The following SPOCK1 variants were observed in gnomAD, a reference collection of about 807,000 sequenced individuals.
SPOCK1 encodes SPARC (osteonectin), cwcv and kazal like domains proteoglycan 1, also known as testican-1.
In SPOCK1, 23 loss-of-function variants were observed where a neutral mutation model predicts 55.3. The ratio of observed to expected loss-of-function variants is 0.42; its 90% CI spans 0.30 to 0.59. The LOEUF is 0.59. Ranked by LOEUF, SPOCK1 falls within the 20% of genes least tolerant of loss-of-function variation. The pLI, the probability that SPOCK1 is intolerant of heterozygous loss-of-function variation, is 0.22. For missense variants in SPOCK1, 499 were observed against 552.5 expected, an observed-to-expected ratio of 0.90 and a Z score of 0.97; for synonymous variants, 226 against 221.0, an observed-to-expected ratio of 1.02 and a Z score of -0.20.
At chr5:137,315,502 T>C (rs1278096851) in intron 2 of SPOCK1, among the ~76,000 whole-genome samples, 1 of 152,202 alleles carries the variant, frequency 6.6e-6, no homozygotes, top group African/African-American at 2.4e-5. Context: ...TAGGAGCAAC[T>C]GAGCACTTTA....
chr5:137,303,398 T>G (rs1351723146), intron 2 of SPOCK1, among the ~76,000 whole-genome samples: 1 of 152,094 alleles, frequency 6.6e-6, no homozygotes, highest in Non-Finnish European at 1.5e-5. Flanking sequence ...TTATGATTAT[T>G]CTATGTGATA....
chr5:137,004,973 C>A (rs1580703322), intron 6 of SPOCK1, among the ~76,000 whole-genome samples: 1 of 152,176 alleles, frequency 6.6e-6, no homozygotes, highest in Admixed American at 6.5e-5. Context: ...AAGAAAAGAG[C>A]AAAATGGCCT....
intron 4 of SPOCK1, among the ~76,000 whole-genome samples, chr5:137,113,233 C>T (rs1479334785): frequency 6.6e-6 from 1 of 152,168 alleles, no homozygotes; most frequent in African/African-American, 2.4e-5. Flanking sequence ...ATAAATGTCG[C>T]TATTAGGATG....
intron 3 of SPOCK1, among the ~76,000 whole-genome samples, chr5:137,199,984 C>T (rs1445889202): frequency 6.6e-6 from 1 of 152,198 alleles, no homozygotes; most frequent in African/African-American, 2.4e-5. Flanking sequence ...AGCATCTTCT[C>T]GCCTCTGGCA....
intron 3 of SPOCK1, among the ~76,000 whole-genome samples, chr5:137,266,151 C>T (rs1472445823): frequency 5.3e-5 from 8 of 152,282 alleles, no homozygotes; most frequent in African/African-American, 1.2e-4. Context: ...ATGCCTCCCT[C>T]GATTTCTTCG....
chr5:137,272,517 T>C (rs1478339675), intron 2 of SPOCK1, among the ~76,000 whole-genome samples: 1 of 152,164 alleles, frequency 6.6e-6, no homozygotes, highest in Non-Finnish European at 1.5e-5. Flanking sequence ...GCTGTTTTCA[T>C]TCACATCTCT....
chr5:137,489,971 C>A (rs1474480202), intron 2 of SPOCK1, among the ~76,000 whole-genome samples: 3 of 152,198 alleles, frequency 2.0e-5, no homozygotes, highest in African/African-American at 7.2e-5. Flanking sequence ...GGTGCCTCTG[C>A]CTTGTAGTAC....
chr5:137,146,227 C>G (rs964386515), intron 3 of SPOCK1, among the ~76,000 whole-genome samples: 1 of 152,324 alleles, frequency 6.6e-6, no homozygotes, highest in South Asian at 2.1e-4. Flanking sequence ...CCCCTTTTCT[C>G]CTGCCAGGAA....
chr5:137,179,014 C>T (rs1271212345), intron 3 of SPOCK1, among the ~76,000 whole-genome samples: 2 of 152,202 alleles, frequency 1.3e-5, no homozygotes, highest in African/African-American at 4.8e-5. Context: ...TGACTTCCTC[C>T]GTTTCCAACC....
chr5:137,045,114 G>A (rs1243979335), intron 6 of SPOCK1, among the ~76,000 whole-genome samples: 1 of 151,032 alleles, frequency 6.6e-6, no homozygotes, highest in Non-Finnish European at 1.5e-5. Context: ...ACGTGTGCAT[G>A]TGTCTTTATA....
chr5:137,385,593 C>T (rs2127176861), intron 2 of SPOCK1, among the ~76,000 whole-genome samples: 1 of 152,314 alleles, frequency 6.6e-6, no homozygotes, highest in Admixed American at 6.5e-5. Context: ...CCAACAGCCA[C>T]TCCTCCTCAC....
In SPOCK1 at chr5:137,271,410, T is replaced by A. The variant is rs568619983; in HGVS notation, c.187-4355A>T. Among the ~76,000 whole-genome samples, 13 of 149,088 alleles carry A rather than the reference T, an allele frequency of 8.7e-5. 1 individual carries two copies. The South Asian group carries it at 2.7e-3, about 31-fold the overall frequency. ...TATAATATATATTATTAAAGATATA[T>A]TTATTATATATTACTATATGTTTTT... On this transcript the variant is annotated intron_variant, in intron 2 of 10. Coordinates refer to ENST00000394945, the MANE Select transcript of SPOCK1 (RefSeq NM_004598.4).
intron 2 of SPOCK1, among the ~76,000 whole-genome samples, chr5:137,358,103 C>T (rs997576290): frequency 5.9e-5 from 9 of 152,086 alleles, no homozygotes; most frequent in African/African-American, 1.9e-4. Context: ...AGTCAGAAAG[C>T]ACCAAGTGAT....
intron 5 of SPOCK1, among the ~76,000 whole-genome samples, chr5:137,068,993 G>A (rs1752558871): frequency 6.6e-6 from 1 of 152,238 alleles, no homozygotes; most frequent in African/African-American, 2.4e-5. Context: ...CACTGTGCAT[G>A]CAGCTCTTAT....
intron 2 of SPOCK1, among the ~76,000 whole-genome samples, chr5:137,405,287 A>G (rs1052499977): frequency 2.6e-5 from 4 of 152,200 alleles, no homozygotes; most frequent in Non-Finnish European, 2.9e-5. Flanking sequence ...CCCCTCATCA[A>G]TTCATATAAT....
At chr5:136,993,914 G>T (rs1217942883) in intron 6 of SPOCK1, among the ~76,000 whole-genome samples, 1 of 152,144 alleles carries the variant, frequency 6.6e-6, no homozygotes, top group Non-Finnish European at 1.5e-5. Flanking sequence ...CAAAAGACTA[G>T]GTGAAACTTC....
intron 5 of SPOCK1, among the ~76,000 whole-genome samples, chr5:137,096,828 T>C (rs1055058714): frequency 1.3e-5 from 2 of 152,192 alleles, no homozygotes; most frequent in African/African-American, 4.8e-5. Flanking sequence ...TTAGTGTGAA[T>C]TGGTGTAGTT....
rs545155760 is a variant in SPOCK1 at position 137,235,605 on chromosome 5, CAT to C, written c.232+31403_232+31404del. ...AGTGAAATGTTGGTGGGTATACACACATGTGTGAGCAGGTAGATGCACGTGTC... is the reference window on the plus strand; with the variant it reads ...AGTGAAATGTTGGTGGGTATACACACGTGTGAGCAGGTAGATGCACGTGTC... On this transcript the variant is annotated intron_variant, in intron 3 of 10. Coordinates refer to ENST00000394945, the MANE Select transcript of SPOCK1 (RefSeq NM_004598.4). Among the ~76,000 whole-genome samples, 19 of 152,236 alleles carry C rather than the reference CAT, an allele frequency of 1.2e-4. 1 individual carries two copies. Among genetic ancestry groups the C allele is most frequent in the Non-Finnish European group, 2.4e-4 (16 of 68,046 alleles).
chr5:137,458,455 G>A (rs1753413147), intron 2 of SPOCK1, among the ~76,000 whole-genome samples: 1 of 152,114 alleles, frequency 6.6e-6, no homozygotes, highest in Non-Finnish European at 1.5e-5. Flanking sequence ...ATACTGCCTG[G>A]GGCAACATCT....
Sources: gnomAD v4.1 joint callset for allele counts (sites outside exome capture counted in the v4.1 genomes callset) on GRCh38, gnomAD v4.1.1 for gene constraint, MANE v1.5 for transcripts, NCBI Gene and HGNC (gene_info 2026-07-23, HGNC 2026-07-21) for gene names.